CAPN8: variants seen among roughly 807,000 people sequenced by gnomAD.
CAPN8 encodes calpain 8.
CAPN8 carries 87 observed loss-of-function variants against 80.9 expected under a neutral mutation model. That is an observed-to-expected ratio of 1.07 (90% CI 0.90 to 1.28). CAPN8 has a LOEUF of 1.28. CAPN8 is among the 50% of genes most tolerant of loss of function. CAPN8 has a pLI of 0.00. For missense variants in CAPN8, 757 were observed against 702.0 expected, an observed-to-expected ratio of 1.08 and a Z score of -0.89; for synonymous variants, 299 against 273.8, an observed-to-expected ratio of 1.09 and a Z score of -0.91.
chr1:223,620,615 G>A (rs1479224944), intron 7 of CAPN8, among the ~76,000 whole-genome samples: 13 of 152,174 alleles, frequency 8.5e-5, no homozygotes, highest in Non-Finnish European at 1.9e-4. Context: ...AGGAGAGAAC[G>A]TGGATGAGTT....
intron 1 of CAPN8, among the ~76,000 whole-genome samples, chr1:223,658,719 T>C (rs1201447779): frequency 6.6e-6 from 1 of 152,116 alleles, no homozygotes; most frequent in Non-Finnish European, 1.5e-5. Flanking sequence ...GGCATAAGAA[T>C]TGTTTGAAAC....
chr1:223,639,204 C>A (rs1038014852), intron 2 of CAPN8, among the ~76,000 whole-genome samples: 6 of 152,160 alleles, frequency 3.9e-5, no homozygotes, highest in South Asian at 2.1e-4. Context: ...AGTGCCCCTG[C>A]ACTCCAACCT....
chr1:223,648,213 C>G (rs1338176894), intron 2 of CAPN8, among the ~76,000 whole-genome samples: 1 of 152,200 alleles, frequency 6.6e-6, no homozygotes, highest in Non-Finnish European at 1.5e-5. Context: ...GGAAACGATG[C>G]GCCGATGCGC....
intron 2 of CAPN8, chr1:223,629,069 GA>G: frequency 2.5e-6 from 1 of 396,776 alleles, no homozygotes; most frequent in Non-Finnish European, 4.6e-6. Context: ...GAGTGGAAAA[GA>G]AAAGAAGAGG....
chr1:223,636,889 G>T (rs1269427143), intron 2 of CAPN8, among the ~76,000 whole-genome samples: 1 of 147,932 alleles, frequency 6.8e-6, no homozygotes, highest in Admixed American at 6.8e-5. Context: ...ACCTTGAGTA[G>T]TCTATCACTA....
chr1:223,645,537 C>T (rs1336217888), intron 2 of CAPN8, among the ~76,000 whole-genome samples: 1 of 152,168 alleles, frequency 6.6e-6, no homozygotes, highest in East Asian at 1.9e-4. Flanking sequence ...GAAATACGAG[C>T]CTAAGCCAAG....
chr1:223,553,493 G>C (rs1256583295), intron 14 of CAPN8, among the ~76,000 whole-genome samples: 2 of 152,146 alleles, frequency 1.3e-5, no homozygotes, highest in Admixed American at 1.3e-4. Context: ...ATTTGGAGAG[G>C]TTTTGCCATC....
chr1:223,552,292 G>A (rs977891897), intron 14 of CAPN8, among the ~76,000 whole-genome samples: 3 of 152,124 alleles, frequency 2.0e-5, no homozygotes, highest in African/African-American at 7.2e-5. Flanking sequence ...GGCCAGGCAC[G>A]GTGGCTCACA....
intron 15 of CAPN8, among the ~76,000 whole-genome samples, 198 bp downstream of exon 15, chr1:223,550,762 C>A (rs1208558187): frequency 1.3e-5 from 2 of 152,144 alleles, no homozygotes; most frequent in African/African-American, 4.8e-5. Flanking sequence ...CCGCCTTCAC[C>A]TCCACCCTCG....
intron 12 of CAPN8, among the ~76,000 whole-genome samples, chr1:223,558,852 T>G (rs1351553530): frequency 6.7e-6 from 1 of 149,748 alleles, no homozygotes; most frequent in African/African-American, 2.5e-5. Flanking sequence ...GTGTGTGTGA[T>G]ATATATGTGT....
In CAPN8 at chr1:223,618,101, G is replaced by A. The variant is rs978160465; in HGVS notation, c.1135+1192C>T. The A allele has an allele frequency of 2.5e-4, 215 of 868,170 alleles. 4 individuals carry two copies. The South Asian group carries it at 3.5e-3, about 14-fold the overall frequency. 53.8% of individuals were successfully genotyped at this position (868,170 alleles called of 1,614,324 possible). A position where few individuals can be genotyped will look rare whatever the true frequency, so the allele number is the denominator to read the frequency against. On this transcript the variant is annotated intron_variant, in intron 9 of 20. Transcript: ENST00000366872. ...AAGAAAGTGACTGGCCCTGCCCCAT[G>A]CGCTTACAGTCTAAGTCAATCAACA...
At chr1:223,643,616 G>A (rs10799570) in intron 2 of CAPN8, among the ~76,000 whole-genome samples, 1 of 152,198 alleles carries the variant, frequency 6.6e-6, no homozygotes, top group Non-Finnish European at 1.5e-5. Context: ...TGGCCAGGCT[G>A]GTGGGCAGGG....
At chr1:223,649,289 C>A (rs1436141598) in intron 2 of CAPN8, among the ~76,000 whole-genome samples, 4 of 152,238 alleles carry the variant, frequency 2.6e-5, no homozygotes, top group Admixed American at 2.6e-4. Flanking sequence ...CCTGTGGATG[C>A]ACTCAGGTAA....
intron 12 of CAPN8, 119 bp downstream of exon 12, chr1:223,609,034 A>C: frequency 2.5e-6 from 1 of 395,386 alleles, no homozygotes; most frequent in Non-Finnish European, 4.4e-6. Flanking sequence ...GTAGTTTCTT[A>C]GAGGCTTCTT....
intron 19 of CAPN8, among the ~76,000 whole-genome samples, 158 bp from the exon 20 acceptor site, chr1:223,543,324 A>G (rs1217309370): frequency 6.6e-6 from 1 of 151,586 alleles, no homozygotes; most frequent in Non-Finnish European, 1.5e-5. Context: ...AGGGGCCTCA[A>G]AAAGCTAGAT....
intron 16 of CAPN8, among the ~76,000 whole-genome samples, chr1:223,545,862 C>T (rs555423444): frequency 3.9e-5 from 5 of 129,554 alleles, no homozygotes; most frequent in Non-Finnish European, 7.8e-5. Context: ...GTCTCTCTGT[C>T]GCCCAGGCTG....
chr1:223,618,179 G>T, intron 9 of CAPN8: 1 of 1,526,998 alleles, frequency 6.5e-7, no homozygotes, highest in Non-Finnish European at 8.9e-7. Context: ...GAAAAGTAGA[G>T]AGAGCAGGAT....
chr1:223,628,059 C>A lies in CAPN8; in HGVS notation c.510G>T (p.Ser170=), dbSNP rs753053461. 2 of 1,551,170 alleles carry A rather than the reference C, an allele frequency of 1.3e-6. No homozygotes were observed. Among genetic ancestry groups the A allele is most frequent in the Admixed American group, 3.9e-5 (2 of 50,954 alleles). The change falls in exon 4 of 21, where the codon TCG becomes TCT. Residue 170 remains serine, a synonymous_variant. Transcript: ENST00000366872. ...CACTCCAGAATTCATTGCCTTGTTCCGAGTGTAGGAAGAGCAGCTGTCCAT... is the reference window on the plus strand; with the variant it reads ...CACTCCAGAATTCATTGCCTTGTTCAGAGTGTAGGAAGAGCAGCTGTCCAT... ...TKNGQLLFLH[S]EQGNEFWSAL...
At chr1:223,642,644 G>A (rs1003157068) in intron 2 of CAPN8, 1 of 377,158 alleles carries the variant, frequency 2.7e-6, no homozygotes, top group African/African-American at 2.1e-5. Context: ...AGGAAAGGCT[G>A]ACGGGTCATC....
Sources: gnomAD v4.1 joint callset for allele counts (sites outside exome capture counted in the v4.1 genomes callset) on GRCh38, gnomAD v4.1.1 for gene constraint, MANE v1.5 for transcripts, NCBI Gene and HGNC (gene_info 2026-07-23, HGNC 2026-07-21) for gene names.